CCDC88C: variants seen among roughly 807,000 people sequenced by gnomAD.
CCDC88C encodes the protein coiled-coil and HOOK domain protein 88C.
CCDC88C carries 131 observed loss-of-function variants against 198.8 expected under a neutral mutation model. The observed-to-expected ratio is 0.66, with a 90% CI of 0.57 to 0.76. The LOEUF (loss-of-function observed/expected upper bound fraction) is 0.76, where lower values mean the gene tolerates loss of function less well. CCDC88C is among the 30% of genes least tolerant of loss of function. The pLI is 0.00. For synonymous variants in CCDC88C, 1,166 were observed against 1,114.7 expected, an observed-to-expected ratio of 1.05 and a Z score of -0.92; for missense variants, 2,553 against 2,631.6, an observed-to-expected ratio of 0.97 and a Z score of 0.65.
chr14:91,350,964 G>A (rs759939449), intron 4 of CCDC88C, among the ~76,000 whole-genome samples: 11 of 152,120 alleles, frequency 7.2e-5, no homozygotes, highest in Admixed American at 6.5e-5. Flanking sequence ...ATCTGTCCCC[G>A]GGTCCACCAC....
chr14:91,410,886 G>A (rs975235186), intron 2 of CCDC88C, among the ~76,000 whole-genome samples: 4 of 152,140 alleles, frequency 2.6e-5, no homozygotes, highest in South Asian at 4.1e-4. Context: ...GCCAGGAGCC[G>A]AAAGCCTCAG....
intron 10 of CCDC88C, among the ~76,000 whole-genome samples, chr14:91,331,626 C>T (rs1285769): frequency 1.1e-4 from 16 of 152,192 alleles, no homozygotes; most frequent in African/African-American, 3.9e-4. Flanking sequence ...GGCCAACAAC[C>T]CTTTCTGTCC....
In CCDC88C at chr14:91,359,625, G is replaced by C; in HGVS notation, c.340+17C>G. The stretch of plus-strand genomic sequence containing the variant: ...TGGCTGGGCACCACAGGGGAGAAGG[G>C]AGCGGCTTTCACTCACCAGACAGTG... On this transcript the variant is annotated intron_variant, in intron 4 of 29. Transcript: ENST00000389857. 6.3e-7 allele frequency: 1 copy of C among 1,597,238 alleles called. No individual in the cohort carries two copies. The highest frequency in any genetic ancestry group is 2.3e-5 in the East Asian group (1 of 44,340).
intron 13 of CCDC88C, among the ~76,000 whole-genome samples, chr14:91,320,341 C>T (rs940753096): frequency 1.3e-5 from 2 of 152,186 alleles, no homozygotes. Context: ...TCCATAAAAA[C>T]CCAAAAGGAC....
At chr14:91,398,465 C>T (rs533292537) in intron 3 of CCDC88C, among the ~76,000 whole-genome samples, 18 of 151,942 alleles carry the variant, frequency 1.2e-4, no homozygotes, top group East Asian at 9.7e-4. Flanking sequence ...AGTAGCCTGG[C>T]CAACACAGTG....
At chr14:91,383,072 T>C (rs1884902173) in intron 3 of CCDC88C, among the ~76,000 whole-genome samples, 1 of 152,210 alleles carries the variant, frequency 6.6e-6, no homozygotes, top group South Asian at 2.1e-4. Flanking sequence ...AGGGCTCCAG[T>C]GCACCCCTTC....
In CCDC88C at chr14:91,302,230, T is replaced by C. The variant is rs147990707; in HGVS notation, c.3635+1471A>G. Among the ~76,000 whole-genome samples the C allele has an allele frequency of 9.2e-5, 14 of 152,318 alleles. No homozygotes were observed. The East Asian group carries it at 2.7e-3, about 29-fold the overall frequency. On this transcript the variant is annotated intron_variant, in intron 20 of 29. Transcript: ENST00000389857. Reference sequence around the variant, plus strand: ...TGGAGATGTCCTCCCCACTCCCACCTTGAAGAACCAACGATCACTTAGCCA... The same window carrying C: ...TGGAGATGTCCTCCCCACTCCCACCCTGAAGAACCAACGATCACTTAGCCA...
At chr14:91,377,549 C>A (rs1223253666) in intron 3 of CCDC88C, among the ~76,000 whole-genome samples, 1 of 152,094 alleles carries the variant, frequency 6.6e-6, no homozygotes, top group African/African-American at 2.4e-5. Context: ...CAGATGGCCC[C>A]CCCCCGGTGC....
At chr14:91,274,944 A>G (rs1264917384) in intron 29 of CCDC88C, among the ~76,000 whole-genome samples, 1 of 152,034 alleles carries the variant, frequency 6.6e-6, no homozygotes, top group African/African-American at 2.4e-5. Context: ...CACACCTCAG[A>G]GCCTTTGATA....
At chr14:91,297,621 T>A in intron 21 of CCDC88C, 130 bp from the exon 22 acceptor site, 1 of 825,122 alleles carries the variant, frequency 1.2e-6, no homozygotes, top group Non-Finnish European at 1.8e-6. Context: ...TCACAACCTC[T>A]CTGGGCTTTT....
intron 4 of CCDC88C, among the ~76,000 whole-genome samples, chr14:91,355,096 T>C (rs1195652350): frequency 1.3e-5 from 2 of 152,142 alleles, no homozygotes; most frequent in East Asian, 3.9e-4. Flanking sequence ...AGTGGGCTGC[T>C]CGGGCTGCCA....
chr14:91,303,983 CGA>C lies in CCDC88C; in HGVS notation c.3358-7_3358-6del. 6.3e-7 allele frequency: 1 copy of C among 1,595,452 alleles called. No individual in the cohort carries two copies. The highest frequency in any genetic ancestry group is 1.1e-5 in the South Asian group (1 of 90,930). ...ACTCAGCGTGGAGTTCTCCACCTGC[CGA>C]GAGGGAGAAGCGCGGCGTGGCGCAG... is the stretch of plus-strand genomic sequence containing the variant. On this transcript the variant is annotated splice_polypyrimidine_tract_variant and splice_region_variant and intron_variant, in intron 19 of 29. Coordinates refer to ENST00000389857, the MANE Select transcript of CCDC88C (RefSeq NM_001080414.4).
intron 13 of CCDC88C, among the ~76,000 whole-genome samples, chr14:91,320,023 T>TA (rs1892286960): frequency 6.0e-5 from 1 of 16,600 alleles, no homozygotes; most frequent in Admixed American, 8.2e-4. Context: ...AAACTCAGTC[T>TA]CAAAAAAAAA....
chr14:91,408,369 T>C (rs1297754582), intron 3 of CCDC88C: 1 of 337,264 alleles, frequency 3.0e-6, no homozygotes, highest in East Asian at 6.8e-5. Context: ...CCCACTCAAC[T>C]GCATTCTCGG....
At position 91,308,431 on chromosome 14, in the gene CCDC88C, C is replaced by T; in HGVS notation, c.2926G>A (p.Glu976Lys). Residue 976 changes from glutamate to lysine, a missense_variant, in exon 17 of 30, where the codon GAA (glutamate) becomes AAA (lysine). Physicochemically the swap from Glu to Lys is moderately conservative, Grantham distance 56. Transcript: ENST00000389857. Reference protein sequence around the residue: ...SALKTTLAMKEEKIVLLEAQM... With the variant: ...SALKTTLAMKKEKIVLLEAQM... ...GCTTCTAAGAGCACAATCTTTTCTT[C>T]TTTCATGGCTAGTGTTGTTTTTAAT... 2 of 1,614,014 alleles carry T rather than the reference C, an allele frequency of 1.2e-6. No individual in the cohort carries two copies. The highest frequency in any genetic ancestry group is 8.5e-7 in the Non-Finnish European group (1 of 1,179,872).
chr14:91,406,549 T>G (rs1886493990), intron 3 of CCDC88C, among the ~76,000 whole-genome samples: 1 of 152,220 alleles, frequency 6.6e-6, no homozygotes, highest in East Asian at 1.9e-4. Flanking sequence ...CCAAGAAGAC[T>G]TCCCCAACTG....
At chr14:91,410,966 C>A (rs1280818425) in intron 2 of CCDC88C, among the ~76,000 whole-genome samples, 1 of 152,116 alleles carries the variant, frequency 6.6e-6, no homozygotes, top group Non-Finnish European at 1.5e-5. Flanking sequence ...CCTGGGAGTC[C>A]CCTCACATCA....
intron 3 of CCDC88C, among the ~76,000 whole-genome samples, chr14:91,403,510 G>A (rs1054775711): frequency 4.6e-5 from 7 of 152,154 alleles, no homozygotes; most frequent in African/African-American, 7.2e-5. Flanking sequence ...TGCACAGGGC[G>A]GACTTCTGCT....
chr14:91,304,372 A>G (rs1596047550), intron 19 of CCDC88C, among the ~76,000 whole-genome samples: 1 of 152,204 alleles, frequency 6.6e-6, no homozygotes, highest in East Asian at 1.9e-4. Context: ...CACTTGAACC[A>G]AAGAATTCAA....
Sources: gnomAD v4.1 joint callset for allele counts (sites outside exome capture counted in the v4.1 genomes callset) on GRCh38, gnomAD v4.1.1 for gene constraint, MANE v1.5 for transcripts, NCBI Gene and HGNC (gene_info 2026-07-23, HGNC 2026-07-21) for gene names.